EIF3G: variants seen among roughly 807,000 people sequenced by gnomAD.
EIF3G encodes eukaryotic translation initiation factor 3 RNA-binding subunit.
Under a neutral mutation model 41.7 loss-of-function variants are expected in EIF3G, and 10 were observed. The observed-to-expected ratio is 0.24, with a 90% confidence interval of 0.15 to 0.41. The LOEUF (loss-of-function observed/expected upper bound fraction) is 0.41, where lower values mean the gene tolerates loss of function less well. Among genes scored for constraint, EIF3G ranks in the 10% least tolerant of loss-of-function variants. EIF3G has a pLI of 1.00. For missense variants in EIF3G, 297 were observed against 444.0 expected, an observed-to-expected ratio of 0.67 and a Z score of 2.98; for synonymous variants, 204 against 172.5, an observed-to-expected ratio of 1.18 and a Z score of -1.43.
At chr19:10,115,358 G>C in intron 10 of EIF3G, 121 bp downstream of exon 10, 1 of 1,240,256 alleles carries the variant, frequency 8.1e-7, no homozygotes, top group Non-Finnish European at 1.1e-6. Flanking sequence ...ATAAAGGACT[G>C]TCCCCTCAAA....
rs774554344 is a variant in EIF3G at position 10,117,078 on chromosome 19, G to A, written c.405+6C>T. 43 of 1,612,490 alleles carry A rather than the reference G, an allele frequency of 2.7e-5. No homozygotes were observed. The highest frequency in any genetic ancestry group is 1.5e-4 in the Admixed American group (9 of 59,830). ...GATGCCAGCCCCACCTGATTGCCCC[G>A]CTTACCTCTTTGCTGGTGATGAACG... On this transcript the variant is annotated splice_donor_region_variant and intron_variant, in intron 6 of 10. Transcript: ENST00000253108.
At position 10,116,540 on chromosome 19, in the gene EIF3G, A is replaced by G. The variant is rs534084240; in HGVS notation, c.595+260T>C. ...TGCGCACACACGATGTGGGGTGGTC[A>G]GCACCCTGGGGCCGACAGACAGCAG... On this transcript the variant is annotated intron_variant, in intron 7 of 10. Transcript: ENST00000253108. The surrounding 1 kb of genome is among the most constrained non-coding windows in gnomAD (Gnocchi z 4.1). 3.8e-4 allele frequency: 197 copies of G among 520,624 alleles called. No homozygotes were observed. Among genetic ancestry groups the G allele is most frequent in the African/African-American group, 3.5e-3 (185 of 52,878 alleles). The allele number at this position is 520,624 out of a possible 1,614,324, so 32.3% of individuals were successfully genotyped here. A position where few individuals can be genotyped will look rare whatever the true frequency, so the allele number is the denominator to read the frequency against.
chr19:10,119,013 C>T (rs763213357), intron 3 of EIF3G, 57 bp from the exon 4 acceptor site: 26 of 1,612,908 alleles, frequency 1.6e-5, no homozygotes, highest in Non-Finnish European at 2.0e-5. Context: ...GGATCAGGAG[C>T]GGCAGGGCTG....
At position 10,119,694 on chromosome 19, in the gene EIF3G, C is replaced by T. The variant is rs759271944; in HGVS notation, c.27G>A (p.Lys9=). MPTGDFDS[K]PSWADQVEEE... The stretch of plus-strand genomic sequence containing the variant: ...CCTCCACCTGGTCGGCCCAACTGGG[C>T]TTCGAACTGCGGAAACAAATGTGTG... The change falls in exon 2 of 11, where the codon AAG becomes AAA. Residue 9 remains lysine, a synonymous_variant. Transcript: ENST00000253108. The T allele has an allele frequency of 6.2e-7, 1 of 1,603,288 alleles. No individual in the cohort carries two copies. Among genetic ancestry groups the T allele is most frequent in the South Asian group, 1.1e-5 (1 of 90,004 alleles).
chr19:10,116,034 C>A lies in EIF3G; in HGVS notation c.636G>T (p.Lys212Asn). ...PVQATQNKTGKYVPPSLRDGA... is the reference protein window; with the variant it reads ...PVQATQNKTGNYVPPSLRDGA... ...CGTCGCGCAGGCTCGGCGGCACATA[C>A]TTCCCTGTCTTGTTCTGCGTGGCCT... The change falls in exon 8 of 11, where the codon AAG (lysine) becomes AAT (asparagine). Residue 212 changes from lysine to asparagine, a missense_variant. By Grantham distance (94) the Lys-to-Asn change is moderately conservative. Coordinates refer to ENST00000253108, the MANE Select transcript of EIF3G (RefSeq NM_003755.5). This position sits in a 1 kb window ranked among gnomAD's most constrained non-coding sequence, Gnocchi z 4.1. The A allele has an allele frequency of 6.2e-7, 1 of 1,613,966 alleles. No homozygotes were observed. The highest frequency in any genetic ancestry group is 8.5e-7 in the Non-Finnish European group (1 of 1,179,926).
Position 10,116,722 on chromosome 19 carries a change from G to T in EIF3G, c.595+78C>A. ...GCACCATCAAACCCGCTGCACTGTCGTGCGGGAGATGACAGCACGAAGGCA... is the reference window on the plus strand; with the variant it reads ...GCACCATCAAACCCGCTGCACTGTCTTGCGGGAGATGACAGCACGAAGGCA... On this transcript the variant is annotated intron_variant, in intron 7 of 10. Transcript: ENST00000253108. The surrounding 1 kb of genome is among the most constrained non-coding windows in gnomAD (Gnocchi z 4.1). 2.1e-6 allele frequency: 3 copies of T among 1,417,906 alleles called. No homozygotes were observed. Among genetic ancestry groups the T allele is most frequent in the South Asian group, 2.7e-5 (2 of 74,512 alleles). 87.8% of individuals were successfully genotyped at this position (1,417,906 alleles called of 1,614,324 possible). A position where few individuals can be genotyped will look rare whatever the true frequency, so the allele number is the denominator to read the frequency against.
intron 1 of EIF3G, 56 bp from the exon 2 acceptor site, chr19:10,119,756 C>A: frequency 6.2e-7 from 1 of 1,613,576 alleles, no homozygotes; most frequent in East Asian, 2.2e-5. Flanking sequence ...CCGGCTCCCG[C>A]AGCCTCGGCG....
At chr19:10,118,980 A>G (rs2089282539) in intron 3 of EIF3G, 24 bp from the exon 4 acceptor site, 2 of 1,613,896 alleles carry the variant, frequency 1.2e-6, no homozygotes. Context: ...AAAAACAGAG[A>G]AAGACTGAGC....
chr19:10,116,716 ACT>A lies in EIF3G; in HGVS notation c.595+82_595+83del, dbSNP rs1423369081. ...AGTCTGGCACCATCAAACCCGCTGC[ACT>A]GTCGTGCGGGAGATGACAGCACGAA... On this transcript the variant is annotated intron_variant, in intron 7 of 10. Coordinates refer to ENST00000253108, the MANE Select transcript of EIF3G (RefSeq NM_003755.5). The surrounding 1 kb of genome is among the most constrained non-coding windows in gnomAD (Gnocchi z 4.1). 4 of 1,375,240 alleles carry A rather than the reference ACT, an allele frequency of 2.9e-6. No individual in the cohort carries two copies. Among genetic ancestry groups the A allele is most frequent in the Non-Finnish European group, 3.9e-6 (4 of 1,018,000 alleles). 85.2% of individuals were successfully genotyped at this position (1,375,240 alleles called of 1,614,324 possible).
chr19:10,119,616 C>T (rs1422936026), intron 2 of EIF3G, 38 bp downstream of exon 2: 4 of 1,555,790 alleles, frequency 2.6e-6, no homozygotes, highest in Non-Finnish European at 3.5e-6. Context: ...ACGGCTTGGG[C>T]CTGGCCGCGA....
At position 10,116,371 on chromosome 19, in the gene EIF3G, A is replaced by G. The variant is rs1568495012; in HGVS notation, c.596-297T>C. The G allele has an allele frequency of 9.3e-6, 5 of 537,248 alleles. No individual in the cohort carries two copies. The highest frequency in any genetic ancestry group is 1.7e-5 in the Non-Finnish European group (5 of 299,240). 33.3% of individuals were successfully genotyped at this position (537,248 alleles called of 1,614,324 possible). A position where few individuals can be genotyped will look rare whatever the true frequency, so the allele number is the denominator to read the frequency against. ...TGCACAGCAACGGCAGACATGGGAC[A>G]CACAACAGGAACAGCGCCCAGGTCC... On this transcript the variant is annotated intron_variant, in intron 7 of 10. Coordinates refer to ENST00000253108, the MANE Select transcript of EIF3G (RefSeq NM_003755.5). This position sits in a 1 kb window ranked among gnomAD's most constrained non-coding sequence, Gnocchi z 4.1.
rs150201927 is a variant in EIF3G at position 10,115,031 on chromosome 19, C to T, written c.*83G>A. On this transcript the variant is annotated 3_prime_UTR_variant, in exon 11 of 11. Transcript: ENST00000253108. ...GAACCAAGTAGAGAGAGTGGAGCTGCTTTATTGCCCTTGGAGCCCGCGCTC... is the reference window on the plus strand; with the variant it reads ...GAACCAAGTAGAGAGAGTGGAGCTGTTTTATTGCCCTTGGAGCCCGCGCTC... 14 of 1,589,272 alleles carry T rather than the reference C, an allele frequency of 8.8e-6. No homozygotes were observed. Among genetic ancestry groups the T allele is most frequent in the Middle Eastern group, 1.7e-4 (1 of 6,028 alleles).
intron 2 of EIF3G, 184 bp from the exon 3 acceptor site, chr19:10,119,355 TC>T: frequency 1.3e-6 from 1 of 796,424 alleles, no homozygotes; most frequent in Non-Finnish European, 2.1e-6. Flanking sequence ...GGATGGGAGA[TC>T]CCTCGTAGGA....
intron 10 of EIF3G, 99 bp downstream of exon 10, chr19:10,115,380 G>C: frequency 7.3e-7 from 1 of 1,362,246 alleles, no homozygotes; most frequent in Non-Finnish European, 1.0e-6. Context: ...CCAGCCGGGG[G>C]ACTGTTAAAT....
intron 1 of EIF3G, 36 bp downstream of exon 1, chr19:10,119,804 C>T (rs796745926): frequency 3.1e-6 from 5 of 1,614,250 alleles, no homozygotes; most frequent in East Asian, 2.2e-5. Flanking sequence ...GCACCCCAAC[C>T]GCTTCCCGTG....
chr19:10,115,753 C>T lies in EIF3G; in HGVS notation c.771G>A (p.Glu257=). 6.2e-7 allele frequency: 1 copy of T among 1,614,180 alleles called. No homozygotes were observed. The highest frequency in any genetic ancestry group is 8.5e-7 in the Non-Finnish European group (1 of 1,180,042). Residue 257 remains glutamate (E), a synonymous_variant, in exon 9 of 11, where the codon GAG becomes GAA. Coordinates refer to ENST00000253108, the MANE Select transcript of EIF3G (RefSeq NM_003755.5). ...AGATGGAGCCGAAAGGCCGGAAGAG[C>T]TCCTGCAGGTCGGTCTCACGCGTGT... The part of the protein sequence containing the change: ...SEDTRETDLQ[E]LFRPFGSISR...
In EIF3G at chr19:10,116,955, T is replaced by G; in HGVS notation, c.440A>C (p.Asn147Thr). The change falls in exon 7 of 11, where the codon AAC (asparagine) becomes ACC (threonine). Residue 147 changes from asparagine (N) to threonine (T), a missense_variant. Coordinates refer to ENST00000253108, the MANE Select transcript of EIF3G (RefSeq NM_003755.5). The surrounding 1 kb of genome is among the most constrained non-coding windows in gnomAD (Gnocchi z 4.1). ...CACGATCTTCTGGCCCTTGAGTTTG[T>G]TCATAGGGTCCTCCTCCTCCTGGCA... The part of the protein sequence containing the change: ...LNCQEEEDPM[N>T]KLKGQKIVSC... 1 of 1,613,314 alleles carries G rather than the reference T, an allele frequency of 6.2e-7. No individual in the cohort carries two copies. The highest frequency in any genetic ancestry group is 8.5e-7 in the Non-Finnish European group (1 of 1,179,568).
At position 10,116,052 on chromosome 19, in the gene EIF3G, C is replaced by A. The variant is rs147076389; in HGVS notation, c.618G>T (p.Thr206=). Residue 206 remains threonine (T), a synonymous_variant, in exon 8 of 11, where the codon ACG becomes ACT. Coordinates refer to ENST00000253108, the MANE Select transcript of EIF3G (RefSeq NM_003755.5). The surrounding 1 kb of genome is among the most constrained non-coding windows in gnomAD (Gnocchi z 4.1). ...GCACATACTTCCCTGTCTTGTTCTGCGTGGCCTGCACCGGCTCTAGCTCTG... is the reference window on the plus strand; with the variant it reads ...GCACATACTTCCCTGTCTTGTTCTGAGTGGCCTGCACCGGCTCTAGCTCTG... ...LPGELEPVQA[T]QNKTGKYVPP... is the part of the protein sequence containing the mutation. 1.2e-6 allele frequency: 2 copies of A among 1,613,814 alleles called. No individual in the cohort carries two copies. The highest frequency in any genetic ancestry group is 8.5e-7 in the Non-Finnish European group (1 of 1,179,916).
Position 10,115,759 on chromosome 19 carries a change from C to T in EIF3G, c.765G>A (p.Leu255=), listed in dbSNP as rs776511542. The T allele has an allele frequency of 8.7e-6, 14 of 1,614,160 alleles. No homozygotes were observed. The highest frequency in any genetic ancestry group is 1.2e-5 in the Non-Finnish European group (14 of 1,180,040). The change falls in exon 9 of 11, where the codon CTG becomes CTA. Residue 255 remains leucine (L), a synonymous_variant. Coordinates refer to ENST00000253108, the MANE Select transcript of EIF3G (RefSeq NM_003755.5). ...AGCCGAAAGGCCGGAAGAGCTCCTG[C>T]AGGTCGGTCTCACGCGTGTCCTCTG... ...NLSEDTRETD[L]QELFRPFGSI... is the part of the protein sequence containing the mutation.
Sources: allele counts gnomAD v4.1 joint callset, GRCh38; gene constraint gnomAD v4.1.1; non-coding constraint Gnocchi (gnomAD v3.1); transcripts MANE v1.5; gene names NCBI Gene and HGNC (gene_info 2026-07-23, HGNC 2026-07-21).